The following RANBP17 variants were observed in gnomAD, a reference collection of about 807,000 sequenced individuals.
The protein encoded by RANBP17 is RAN binding protein 17, also known as ran-binding protein 17.
In RANBP17, 158 loss-of-function variants were observed where a neutral mutation model predicts 141.2. The ratio of observed to expected loss-of-function variants is 1.12; its 90% CI spans 0.98 to 1.28. The LOEUF is 1.28. Among genes scored for constraint, RANBP17 ranks in the 50% most tolerant of loss-of-function variants. RANBP17 has a pLI of 0.00. For synonymous variants in RANBP17, 430 were observed against 450.0 expected (o/e 0.96, Z 0.56); for missense variants, 1,438 against 1,290.7 (o/e 1.11, Z -1.75).
chr5:171,203,747 A>G (rs1762427539), intron 19 of RANBP17, among the ~76,000 whole-genome samples: 1 of 152,202 alleles, frequency 6.6e-6, no homozygotes, highest in African/African-American at 2.4e-5. Context: ...TTTGTACTAG[A>G]CACAAAGAAA....
intron 14 of RANBP17, among the ~76,000 whole-genome samples, chr5:170,995,791 A>G (rs1283592970): frequency 6.6e-6 from 1 of 152,158 alleles, no homozygotes; most frequent in Non-Finnish European, 1.5e-5. Flanking sequence ...TCTTACATTT[A>G]AAAGGGAGGG....
chr5:170,897,164 A>G, intron 5 of RANBP17: 1 of 800,988 alleles, frequency 1.2e-6, no homozygotes, highest in South Asian at 1.3e-5. Context: ...CAAACAGCTC[A>G]TCACTGATAC....
chr5:170,888,842 T>C (rs1581059829), intron 3 of RANBP17, among the ~76,000 whole-genome samples: 1 of 152,148 alleles, frequency 6.6e-6, no homozygotes, highest in African/African-American at 2.4e-5. Context: ...TTTTTGTAGA[T>C]GTACTTTATC....
intron 12 of RANBP17, among the ~76,000 whole-genome samples, chr5:170,947,502 T>TG (rs148322041): frequency 0.03 from 4,615 of 152,160 alleles, 232 homozygotes; most frequent in African/African-American, 0.1. Context: ...TAGGAAATGC[T>TG]GGGGGGGATT....
chr5:170,975,763 G>A (rs1777322386), intron 14 of RANBP17, among the ~76,000 whole-genome samples: 1 of 152,026 alleles, frequency 6.6e-6, no homozygotes, highest in African/African-American at 2.4e-5. Flanking sequence ...TTTTTCTGCA[G>A]CTCTGTTTGT....
intron 12 of RANBP17, among the ~76,000 whole-genome samples, chr5:170,932,911 T>G (rs965599777): frequency 1.1e-4 from 17 of 152,204 alleles, no homozygotes; most frequent in African/African-American, 4.1e-4. Context: ...GGTATCAGGA[T>G]GATGTTGGCC....
intron 25 of RANBP17, among the ~76,000 whole-genome samples, chr5:171,275,882 C>T (rs1205224643): frequency 6.6e-6 from 1 of 151,852 alleles, no homozygotes; most frequent in Non-Finnish European, 1.5e-5. Flanking sequence ...CAATTTGGAA[C>T]GCTGAAGAAG....
intron 18 of RANBP17, among the ~76,000 whole-genome samples, chr5:171,197,699 A>G (rs1762054370): frequency 6.6e-6 from 1 of 152,188 alleles, no homozygotes; most frequent in Non-Finnish European, 1.5e-5. Flanking sequence ...CTATTATTAG[A>G]TGTATGCTTA....
chr5:170,933,829 TC>T (rs1479550924), intron 12 of RANBP17, among the ~76,000 whole-genome samples: 7 of 152,174 alleles, frequency 4.6e-5, no homozygotes, highest in Non-Finnish European at 1.0e-4. Flanking sequence ...GTGCTTTACT[TC>T]CAACTATGTG....
intron 24 of RANBP17, among the ~76,000 whole-genome samples, chr5:171,254,183 G>A (rs1288776275): frequency 6.6e-6 from 1 of 151,008 alleles, no homozygotes; most frequent in African/African-American, 2.4e-5. Context: ...GGGGGCGGAG[G>A]TTGCAGTGAG....
At chr5:171,171,371 A>T in intron 16 of RANBP17, 85 bp downstream of exon 16, 2 of 731,056 alleles carry the variant, frequency 2.7e-6, no homozygotes, top group Non-Finnish European at 4.4e-6. Flanking sequence ...CTTGTTTATA[A>T]TTTTTGCAAT....
At chr5:170,970,563 C>T (rs1776910659) in intron 14 of RANBP17, 1 of 152,072 alleles carries the variant, frequency 6.6e-6, no homozygotes, top group South Asian at 2.1e-4. Context: ...TTAATTATGC[C>T]TAGTGTTCCA....
chr5:171,202,810 G>A (rs1030831709), intron 19 of RANBP17, among the ~76,000 whole-genome samples: 5 of 152,294 alleles, frequency 3.3e-5, no homozygotes, highest in African/African-American at 1.2e-4. Flanking sequence ...TAAAGACAAA[G>A]CACAATGACC....
chr5:171,020,636 C>T (rs1440349815), intron 14 of RANBP17, among the ~76,000 whole-genome samples: 3 of 150,356 alleles, frequency 2.0e-5, no homozygotes, highest in Middle Eastern at 3.4e-3. Context: ...GGTAAATTTT[C>T]CTCCATCCCT....
chr5:170,882,705 T>C (rs758184454), intron 3 of RANBP17, among the ~76,000 whole-genome samples: 1 of 152,208 alleles, frequency 6.6e-6, no homozygotes, highest in Non-Finnish European at 1.5e-5. Context: ...TTGGGGTATA[T>C]GTAAAATAAA....
At chr5:171,035,031 T>C (rs1781781253) in intron 14 of RANBP17, among the ~76,000 whole-genome samples, 1 of 151,524 alleles carries the variant, frequency 6.6e-6, no homozygotes, top group Admixed American at 6.6e-5. Context: ...AAATAAAAAA[T>C]AAGAAAATTA....
chr5:171,252,448 A>G (rs1765633464), intron 24 of RANBP17: 2 of 1,499,770 alleles, frequency 1.3e-6, no homozygotes. Flanking sequence ...TACATCAATT[A>G]CTCACTGCTT....
intron 14 of RANBP17, among the ~76,000 whole-genome samples, chr5:171,144,955 G>T (rs1757939726): frequency 6.6e-6 from 1 of 152,208 alleles, no homozygotes; most frequent in Non-Finnish European, 1.5e-5. Context: ...GATATATGGA[G>T]AAGCAGCCTG....
At chr5:171,159,164 C>G (rs1485005375) in intron 14 of RANBP17, among the ~76,000 whole-genome samples, 2 of 152,054 alleles carry the variant, frequency 1.3e-5, no homozygotes, top group African/African-American at 4.8e-5. Flanking sequence ...AGTGGCAGGC[C>G]CTTGGTTTCA....
Sources: allele counts gnomAD v4.1 joint callset (sites outside exome capture counted in the v4.1 genomes callset), GRCh38; gene constraint gnomAD v4.1.1; transcripts MANE v1.5; gene names NCBI Gene and HGNC (gene_info 2026-07-23, HGNC 2026-07-21).